AFF2: variants seen among roughly 807,000 people sequenced by gnomAD.
AFF2 encodes the protein ALF transcription elongation factor 2.
A neutral mutation model predicts 76.9 loss-of-function variants in AFF2; 14 were observed. The observed-to-expected ratio is 0.18, with a 90% confidence interval of 0.12 to 0.28. The LOEUF is 0.28. Ranked by LOEUF, AFF2 falls within the 10% of genes least tolerant of loss-of-function variation. The probability of loss-of-function intolerance (pLI) is 1.00; values close to 1 mark genes in which losing one functional copy is unlikely to be tolerated. For synonymous variants in AFF2, 398 were observed against 366.7 expected (o/e 1.09, Z -0.98); for missense variants, 868 against 1,001.1 (o/e 0.87, Z 1.79).
chrX:148,806,154 C>T (rs1230363390), intron 3 of AFF2, among the ~76,000 whole-genome samples: 2 of 112,725 alleles, frequency 1.8e-5, no homozygotes, highest in East Asian at 2.8e-4. Flanking sequence ...GTCTTTCACA[C>T]CTGTCCGAGT....
chrX:148,709,146 C>G (rs1386368549), intron 3 of AFF2, among the ~76,000 whole-genome samples: 1 of 111,400 alleles, frequency 9.0e-6, no homozygotes, highest in Non-Finnish European at 1.9e-5. Flanking sequence ...TTGCTTTCTG[C>G]TGTACAATCT....
At chrX:148,883,444 C>T in intron 7 of AFF2, among the ~76,000 whole-genome samples, 1 of 111,438 alleles carries the variant, frequency 9.0e-6, no homozygotes, top group Non-Finnish European at 1.9e-5. Flanking sequence ...CTGTTATGCT[C>T]ACCACCACCC....
intron 5 of AFF2, among the ~76,000 whole-genome samples, chrX:148,839,942 T>C (rs944745010): frequency 5.5e-5 from 6 of 109,527 alleles, no homozygotes; most frequent in Non-Finnish European, 9.5e-5. Flanking sequence ...TGTGTATGTG[T>C]ATACACTATA....
At chrX:148,732,142 T>G (rs1329924714) in intron 3 of AFF2, among the ~76,000 whole-genome samples, 1 of 85,527 alleles carries the variant, frequency 1.2e-5, no homozygotes, top group Non-Finnish European at 2.1e-5. Flanking sequence ...TACTGCGGCA[T>G]TATTCACAAT....
chrX:148,952,772 C>T (rs2071984765), intron 9 of AFF2, among the ~76,000 whole-genome samples: 1 of 111,966 alleles, frequency 8.9e-6, no homozygotes, highest in African/African-American at 3.3e-5. Flanking sequence ...TAAAATCAAT[C>T]ATTACAGCTG....
intron 3 of AFF2, among the ~76,000 whole-genome samples, chrX:148,765,750 A>T (rs1391012026): frequency 1.8e-5 from 2 of 109,067 alleles, no homozygotes; most frequent in Non-Finnish European, 3.8e-5. Flanking sequence ...CATGTGCACA[A>T]TGTGCAGGTT....
intron 9 of AFF2, among the ~76,000 whole-genome samples, chrX:148,940,889 C>G (rs1268263668): frequency 1.8e-5 from 2 of 111,483 alleles, no homozygotes; most frequent in Admixed American, 1.9e-4. Context: ...ACTTGGCCTC[C>G]TTCAATTTAA....
intron 1 of AFF2, among the ~76,000 whole-genome samples, chrX:148,581,991 G>A (rs1025682600): frequency 2.0e-4 from 22 of 111,648 alleles, no homozygotes; most frequent in Admixed American, 1.2e-3. Context: ...GACGTTCCTC[G>A]CTCTGTCTTT....
chrX:148,611,865 T>A (rs1484132925), intron 1 of AFF2, among the ~76,000 whole-genome samples: 1 of 111,944 alleles, frequency 8.9e-6, no homozygotes, highest in Admixed American at 9.5e-5. Context: ...GTCTTATTTT[T>A]CCAAATAATT....
At chrX:148,769,066 T>G (rs1233715327) in intron 3 of AFF2, among the ~76,000 whole-genome samples, 1 of 112,130 alleles carries the variant, frequency 8.9e-6, no homozygotes, top group Non-Finnish European at 1.9e-5. Context: ...ACAGCTAGAG[T>G]TTTATGCCCA....
intron 7 of AFF2, among the ~76,000 whole-genome samples, chrX:148,865,122 T>A (rs781843651): frequency 1.9e-4 from 21 of 112,243 alleles, no homozygotes; most frequent in Non-Finnish European, 3.6e-4. Context: ...CTGAAGAAAA[T>A]GATATGGCAA....
chrX:148,524,084 T>C (rs1332969491), intron 1 of AFF2, among the ~76,000 whole-genome samples: 1 of 93,659 alleles, frequency 1.1e-5, no homozygotes, highest in Admixed American at 1.2e-4. Flanking sequence ...TTGAAGCCTC[T>C]CTCTCTCTCT....
At chrX:148,984,708 C>T (rs1220110416) in intron 19 of AFF2, among the ~76,000 whole-genome samples, 6 of 111,891 alleles carry the variant, frequency 5.4e-5, no homozygotes, top group African/African-American at 1.9e-4. Flanking sequence ...GGAGAAAAGT[C>T]CCCAATAACA....
rs1007615802 is a variant in AFF2 at position 148,945,235 on chromosome X, A to G, written c.1398-8345A>G. ...CTGGTGTGGGCAAGTAGGTTCAGGA[A>G]AGTGGTAAACTGATATCCCAGCTTA... On this transcript the variant is annotated intron_variant, in intron 9 of 20. Transcript: ENST00000370460. Among the ~76,000 whole-genome samples the G allele has an allele frequency of 2.7e-5, 3 of 111,873 alleles. No individual in the cohort carries two copies. The Admixed American group carries it at 2.8e-4, about 11-fold the overall frequency.
At chrX:148,526,094 G>A (rs888163921) in intron 1 of AFF2, among the ~76,000 whole-genome samples, 37 of 111,619 alleles carry the variant, frequency 3.3e-4, no homozygotes, top group African/African-American at 1.2e-3. Context: ...AGATCAGTTG[G>A]CAGAAAAGGA....
At chrX:148,859,468 G>A (rs1218804338) in intron 7 of AFF2, among the ~76,000 whole-genome samples, 13 of 110,755 alleles carry the variant, frequency 1.2e-4, no homozygotes, top group African/African-American at 3.9e-4. Context: ...AGGGGAGAGG[G>A]TCCTTCTTAA....
intron 3 of AFF2, among the ~76,000 whole-genome samples, chrX:148,697,431 A>G (rs946421499): frequency 8.9e-5 from 10 of 111,972 alleles, no homozygotes; most frequent in Admixed American, 1.9e-4. Flanking sequence ...GTCTCAAATG[A>G]ATAATCAGTA....
chrX:148,676,915 G>A (rs1481461933), intron 3 of AFF2, among the ~76,000 whole-genome samples: 1 of 110,874 alleles, frequency 9.0e-6, no homozygotes, highest in East Asian at 2.8e-4. Flanking sequence ...AGGGCATAAG[G>A]TATAATCATG....
rs782242829 is a variant in AFF2, at chrX:148,955,590, T to G, written c.1558-13T>G. The G allele has an allele frequency of 8.4e-7, 1 of 1,191,331 alleles. No individual in the cohort carries two copies. The highest frequency in any genetic ancestry group is 1.1e-6 in the Non-Finnish European group (1 of 886,663). On this transcript the variant is annotated splice_polypyrimidine_tract_variant and intron_variant, in intron 10 of 20. Transcript: ENST00000370460. ...TGTAAAAATCATTCTTGCTGCTGTTTCTCAATCTGCAGCCTGAGCCACCCT... is the reference window on the plus strand; with the variant it reads ...TGTAAAAATCATTCTTGCTGCTGTTGCTCAATCTGCAGCCTGAGCCACCCT...
Sources: allele counts gnomAD v4.1 joint callset (sites outside exome capture counted in the v4.1 genomes callset), GRCh38; gene constraint gnomAD v4.1.1; transcripts MANE v1.5; gene names NCBI Gene and HGNC (gene_info 2026-07-23, HGNC 2026-07-21).